The following ST3GAL3 variants were observed in gnomAD, a reference collection of about 807,000 sequenced individuals.
ST3GAL3 encodes the protein CMP-N-acetylneuraminate-beta-1,4-galactoside alpha-2,3-sialyltransferase.
A neutral mutation model predicts 50.1 loss-of-function variants in ST3GAL3; 21 were observed. The observed-to-expected ratio is 0.42, with a 90% CI of 0.30 to 0.60. The LOEUF (loss-of-function observed/expected upper bound fraction) is 0.60, where lower values mean the gene tolerates loss of function less well. ST3GAL3 is among the 20% of genes least tolerant of loss of function. The pLI, the probability that ST3GAL3 is intolerant of heterozygous loss-of-function variation, is 0.19. For missense variants in ST3GAL3, 353 were observed against 489.4 expected (o/e 0.72, Z 2.63); for synonymous variants, 183 against 190.0 (o/e 0.96, Z 0.30).
intron 5 of ST3GAL3, among the ~76,000 whole-genome samples, chr1:43,887,580 G>C (rs978363232): frequency 2.0e-5 from 3 of 152,178 alleles, no homozygotes; most frequent in African/African-American, 7.2e-5. Context: ...GTGAAGATGA[G>C]AGGGTCACTG....
chr1:43,771,233 C>A (rs1695027459), intron 2 of ST3GAL3, among the ~76,000 whole-genome samples: 2 of 152,076 alleles, frequency 1.3e-5, no homozygotes, highest in Non-Finnish European at 2.9e-5. Flanking sequence ...AATTGAGTGT[C>A]TGAATATATC....
intron 9 of ST3GAL3, among the ~76,000 whole-genome samples, chr1:43,905,607 TCCCCCTCCTCCTGCTTCTCTTCCCGCC>T (rs756872846): frequency 0.018 from 188 of 10,730 alleles, 44 homozygotes; most frequent in Middle Eastern, 0.12. Flanking sequence ...CCACTGTTTC[TCCCCCTCCTCCTGCTTCTCTTCCCGCC>T]ACTGTTTCTC....
intron 1 of ST3GAL3, among the ~76,000 whole-genome samples, chr1:43,735,246 G>A (rs1412198156): frequency 6.6e-6 from 1 of 152,150 alleles, no homozygotes; most frequent in African/African-American, 2.4e-5. Context: ...CTATGAATTT[G>A]TTACTCGACA....
At chr1:43,930,064 C>T (rs1237612659) in intron 11 of ST3GAL3, 68 bp from the exon 12 acceptor site, 6 of 1,382,514 alleles carry the variant, frequency 4.3e-6, no homozygotes, top group Admixed American at 1.7e-5. Context: ...GAAGAAGGCA[C>T]CGAGCCCTGG....
intron 1 of ST3GAL3, among the ~76,000 whole-genome samples, chr1:43,710,468 A>T (rs920256039): frequency 1.2e-4 from 19 of 152,184 alleles, no homozygotes; most frequent in African/African-American, 4.3e-4. Flanking sequence ...GAAACCCCCT[A>T]ACATTTTTTT....
At chr1:43,771,426 C>T (rs972746189) in intron 2 of ST3GAL3, among the ~76,000 whole-genome samples, 9 of 151,454 alleles carry the variant, frequency 5.9e-5, no homozygotes, top group African/African-American at 1.7e-4. Context: ...GGCGTGATCT[C>T]GGCTCACCGC....
chr1:43,759,921 A>G (rs1435231744), intron 2 of ST3GAL3, among the ~76,000 whole-genome samples: 1 of 152,228 alleles, frequency 6.6e-6, no homozygotes, highest in African/African-American at 2.4e-5. Context: ...ACTTGAGGCC[A>G]GCCTGAGCAA....
In ST3GAL3 at chr1:43,894,413, T is replaced by C. The variant is rs758941970; in HGVS notation, c.333T>C (p.Asp111=). ...RFSKPAPMFL[D]DSFRKWARIR... The stretch of plus-strand genomic sequence containing the variant: ...CCAAGCCAGCACCCATGTTCCTGGA[T>C]GACTCCTTTCGCAAGTGGGCTAGAA... The change falls in exon 6 of 12, where the codon GAT becomes GAC. Residue 111 remains aspartate, a synonymous_variant. Transcript: ENST00000347631. 6.2e-7 allele frequency: 1 copy of C among 1,614,206 alleles called. No individual in the cohort carries two copies. Among genetic ancestry groups the C allele is most frequent in the South Asian group, 1.1e-5 (1 of 91,086 alleles).
rs2067135413 is a variant in ST3GAL3, at chr1:43,850,746, C to G, written c.302+12435C>G. On this transcript the variant is annotated intron_variant, in intron 5 of 11. Transcript: ENST00000347631. ...CGTCAGTGCCTCAGACAGAGCTCTGCAGTTGGCCACCACATGGTGCTGATA... is the reference window on the plus strand; with the variant it reads ...CGTCAGTGCCTCAGACAGAGCTCTGGAGTTGGCCACCACATGGTGCTGATA... The G allele has an allele frequency of 5.2e-6, 4 of 770,296 alleles. No homozygotes were observed. In the South Asian group the frequency reaches 5.5e-5, roughly 11 times the overall value. 47.7% of individuals were successfully genotyped at this position (770,296 alleles called of 1,614,324 possible).
At chr1:43,881,794 T>TG (rs1211527178) in intron 5 of ST3GAL3, among the ~76,000 whole-genome samples, 7 of 131,642 alleles carry the variant, frequency 5.3e-5, no homozygotes, top group Non-Finnish European at 8.3e-5. Context: ...GAATGGGGGG[T>TG]GGGGGTGTCT....
In ST3GAL3 at chr1:43,731,259, T is replaced by C. The variant is rs984942598; in HGVS notation, c.-30-4974T>C. Among the ~76,000 whole-genome samples the C allele has an allele frequency of 4.6e-5, 7 of 152,206 alleles. No homozygotes were observed. In the South Asian group the frequency reaches 1.5e-3, roughly 32 times the overall value. ...AGAGTCTCGCTCTGTCGCCCAGGCTTGGAGTGCAGTGGCACGATTTCGGCT... is the reference window on the plus strand; with the variant it reads ...AGAGTCTCGCTCTGTCGCCCAGGCTCGGAGTGCAGTGGCACGATTTCGGCT... On this transcript the variant is annotated intron_variant, in intron 1 of 11. Transcript: ENST00000347631.
chr1:43,760,270 T>TA (rs1689767709), intron 2 of ST3GAL3, among the ~76,000 whole-genome samples: 4 of 152,328 alleles, frequency 2.6e-5, no homozygotes, highest in Admixed American at 2.6e-4. Context: ...CTGAAAAACT[T>TA]ACATCTGCTG....
chr1:43,721,028 T>A (rs1166367149), intron 1 of ST3GAL3, among the ~76,000 whole-genome samples: 1 of 152,106 alleles, frequency 6.6e-6, no homozygotes, highest in African/African-American at 2.4e-5. Context: ...GGAGGATTGC[T>A]TGAGGCCAGG....
chr1:43,902,781 G>A (rs187563533), intron 9 of ST3GAL3, among the ~76,000 whole-genome samples: 7 of 152,324 alleles, frequency 4.6e-5, no homozygotes, highest in Non-Finnish European at 8.8e-5. Context: ...TCTCAGAGGT[G>A]CCTCTGCAGT....
At chr1:43,889,900 C>A (rs559446140) in intron 5 of ST3GAL3, among the ~76,000 whole-genome samples, 1 of 152,258 alleles carries the variant, frequency 6.6e-6, no homozygotes, top group East Asian at 1.9e-4. Context: ...ATGATGTATT[C>A]TTTTCAGAAA....
At chr1:43,799,942 A>AT (rs1323165362) in intron 3 of ST3GAL3, among the ~76,000 whole-genome samples, 14 of 152,076 alleles carry the variant, frequency 9.2e-5, no homozygotes, top group Non-Finnish European at 1.5e-5. Flanking sequence ...GATATCTGCT[A>AT]TTTTCCCAAG....
intron 2 of ST3GAL3, among the ~76,000 whole-genome samples, chr1:43,766,401 T>C (rs1215704536): frequency 6.6e-6 from 1 of 151,614 alleles, no homozygotes; most frequent in African/African-American, 2.4e-5. Flanking sequence ...AACAAAGAAG[T>C]GGCGATTTAA....
chr1:43,789,022 A>C (rs188143903), intron 2 of ST3GAL3, among the ~76,000 whole-genome samples: 1 of 152,090 alleles, frequency 6.6e-6, no homozygotes, highest in Admixed American at 6.6e-5. Context: ...TCTCTTGGGA[A>C]ATATAAGTAA....
At chr1:43,909,821 T>C (rs145473399) in intron 9 of ST3GAL3, among the ~76,000 whole-genome samples, 9 of 152,282 alleles carry the variant, frequency 5.9e-5, no homozygotes, top group African/African-American at 1.9e-4. Context: ...CAGCAGATAA[T>C]GGACAGGAAA....
Sources: allele counts gnomAD v4.1 joint callset (sites outside exome capture counted in the v4.1 genomes callset), GRCh38; gene constraint gnomAD v4.1.1; transcripts MANE v1.5; gene names NCBI Gene and HGNC (gene_info 2026-07-23, HGNC 2026-07-21).